The following ARHGEF28 variants were observed in gnomAD, a reference collection of about 807,000 sequenced individuals.
ARHGEF28 encodes the protein Rho guanine nucleotide exchange factor 28.
A neutral mutation model predicts 206.6 loss-of-function variants in ARHGEF28; 152 were observed. The observed-to-expected ratio is 0.74, with a 90% confidence interval of 0.64 to 0.84. The LOEUF is 0.84. Ranked by LOEUF, ARHGEF28 falls within the 40% of genes least tolerant of loss-of-function variation. The probability of loss-of-function intolerance (pLI) is 0.00; values close to 1 mark genes in which losing one functional copy is unlikely to be tolerated. For synonymous variants in ARHGEF28, 763 were observed against 776.4 expected, an observed-to-expected ratio of 0.98 and a Z score of 0.29; for missense variants, 2,028 against 2,073.2, an observed-to-expected ratio of 0.98 and a Z score of 0.42.
rs183704688 is a variant in ARHGEF28, at chr5:73,734,061, C to T, written c.34-15776C>T. On this transcript the variant is annotated intron_variant, in intron 2 of 35. Transcript: ENST00000513042. ...TGCTAAACCATTCATGAAGGAGCTA[C>T]CCCCATGATCCAATCACCTCCCACC... 3.9e-3 allele frequency among the ~76,000 whole-genome samples: 597 copies of T among 152,258 alleles called. 1 individual carries two copies. Among genetic ancestry groups the T allele is most frequent in the Non-Finnish European group, 5.5e-3 (371 of 68,006 alleles).
chr5:73,795,571 T>C (rs1754750650), intron 9 of ARHGEF28, 180 bp downstream of exon 9: 3 of 541,684 alleles, frequency 5.5e-6, no homozygotes, highest in South Asian at 2.8e-5. Flanking sequence ...ACTCTAGAGG[T>C]TGAGACTCCA....
chr5:73,755,330 T>A (rs958564735), intron 4 of ARHGEF28, among the ~76,000 whole-genome samples: 1 of 151,948 alleles, frequency 6.6e-6, no homozygotes, highest in Non-Finnish European at 1.5e-5. Flanking sequence ...GGGGTGTGGA[T>A]CCATTTTGAC....
At chr5:73,903,445 A>G (rs1762382305) in intron 31 of ARHGEF28, 3 of 152,228 alleles carry the variant, frequency 2.0e-5, no homozygotes, top group African/African-American at 7.2e-5. Context: ...ACTGGTTTGC[A>G]TCCTAGGGAG....
chr5:73,866,343 A>G (rs1458714548), intron 18 of ARHGEF28, among the ~76,000 whole-genome samples: 3 of 152,258 alleles, frequency 2.0e-5, no homozygotes, highest in African/African-American at 7.2e-5. Context: ...CAAGGAAAAG[A>G]GAAATACTAC....
chr5:73,777,846 C>T (rs578020432), intron 6 of ARHGEF28, among the ~76,000 whole-genome samples: 11 of 151,962 alleles, frequency 7.2e-5, no homozygotes, highest in Non-Finnish European at 1.3e-4. Context: ...TTTGGGTAGC[C>T]GAGGTGGGTG....
chr5:73,653,140 G>T (rs1030024205), intron 1 of ARHGEF28, among the ~76,000 whole-genome samples: 1 of 152,186 alleles, frequency 6.6e-6, no homozygotes, highest in East Asian at 1.9e-4. Flanking sequence ...CCAGTTAGAG[G>T]CAGAGTGAGG....
intron 2 of ARHGEF28, among the ~76,000 whole-genome samples, chr5:73,719,698 T>C (rs1353684285): frequency 1.3e-5 from 2 of 152,262 alleles, no homozygotes; most frequent in Admixed American, 1.3e-4. Flanking sequence ...AAATGTGTTA[T>C]AGTAGATGTC....
At chr5:73,940,155 T>A (rs1742507405) in intron 35 of ARHGEF28, among the ~76,000 whole-genome samples, 1 of 152,228 alleles carries the variant, frequency 6.6e-6, no homozygotes, top group Non-Finnish European at 1.5e-5. Context: ...GCCTCCCTTT[T>A]GTCTCTCCTT....
intron 1 of ARHGEF28, among the ~76,000 whole-genome samples, chr5:73,631,882 CAACT>C: frequency 6.6e-6 from 1 of 152,260 alleles, no homozygotes; most frequent in South Asian, 2.1e-4. Flanking sequence ...CTGTAACCTT[CAACT>C]AACTTAGTAG....
At chr5:73,799,367 T>C (rs1477817918) in intron 9 of ARHGEF28, among the ~76,000 whole-genome samples, 1 of 152,228 alleles carries the variant, frequency 6.6e-6, no homozygotes, top group African/African-American at 2.4e-5. Flanking sequence ...TCTTGCAAAC[T>C]CTACTTTTAA....
At chr5:73,808,194 C>A (rs1027417372) in intron 9 of ARHGEF28, among the ~76,000 whole-genome samples, 3 of 151,874 alleles carry the variant, frequency 2.0e-5, no homozygotes, top group Non-Finnish European at 4.4e-5. Flanking sequence ...GCTCCCGATT[C>A]ATGTCTATTT....
Position 73,909,669 on chromosome 5 carries a change from G to GGAGC in ARHGEF28, c.4421_4424dup (p.Glu1476AlafsTer80). 1 of 1,540,402 alleles carries GGAGC rather than the reference G, an allele frequency of 6.5e-7. No individual in the cohort carries two copies. The highest frequency in any genetic ancestry group is 2.5e-5 in the East Asian group (1 of 40,714). On this transcript the variant is annotated frameshift_variant, in exon 34 of 36. Coordinates refer to ENST00000513042, the MANE Select transcript of ARHGEF28 (RefSeq NM_001177693.2). LOFTEE classifies it high-confidence loss of function. Reference sequence around the variant, plus strand: ...AGGCGACCAGGGAGAGCTGGCTGCAGGAGCGGGAGCGGGAGTGCCAGTCGC... The same window carrying GGAGC: ...AGGCGACCAGGGAGAGCTGGCTGCAGGAGCGAGCGGGAGCGGGAGTGCCAGTCGC...
At chr5:73,778,665 T>A (rs1356729101) in intron 6 of ARHGEF28, among the ~76,000 whole-genome samples, 1 of 152,206 alleles carries the variant, frequency 6.6e-6, no homozygotes, top group Non-Finnish European at 1.5e-5. Flanking sequence ...TAATTCTTAC[T>A]TGCCTGACAA....
chr5:73,775,764 T>C (rs1367463522), intron 5 of ARHGEF28, among the ~76,000 whole-genome samples: 1 of 152,186 alleles, frequency 6.6e-6, no homozygotes, highest in African/African-American at 2.4e-5. Flanking sequence ...CTGTTACTAT[T>C]ACAGGACCTT....
chr5:73,652,900 T>C (rs967791426), intron 1 of ARHGEF28, among the ~76,000 whole-genome samples: 4 of 152,188 alleles, frequency 2.6e-5, no homozygotes, highest in South Asian at 2.1e-4. Flanking sequence ...TCCTGGACCA[T>C]TGGTTTTTCA....
intron 2 of ARHGEF28, among the ~76,000 whole-genome samples, chr5:73,708,293 C>T (rs562571121): frequency 8.6e-5 from 13 of 151,994 alleles, no homozygotes; most frequent in African/African-American, 2.9e-4. Context: ...CAATTGATCT[C>T]GCTACCCAGA....
intron 35 of ARHGEF28, among the ~76,000 whole-genome samples, chr5:73,929,381 G>C (rs951909502): frequency 6.6e-6 from 1 of 152,006 alleles, no homozygotes; most frequent in Non-Finnish European, 1.5e-5. Context: ...AAAAGATAAG[G>C]CTCTCTTTTT....
chr5:73,758,490 C>T (rs955280371), intron 4 of ARHGEF28, among the ~76,000 whole-genome samples: 6 of 152,210 alleles, frequency 3.9e-5, no homozygotes, highest in Admixed American at 2.0e-4. Context: ...TTCTTCTGCT[C>T]ATTATGGAAC....
intron 21 of ARHGEF28, among the ~76,000 whole-genome samples, chr5:73,870,710 G>T (rs2973554): frequency 6.6e-6 from 1 of 151,988 alleles, no homozygotes; most frequent in Non-Finnish European, 1.5e-5. Context: ...GTTTGACTAC[G>T]TGCTGCCATC....
Sources: gnomAD v4.1 joint callset for allele counts (sites outside exome capture counted in the v4.1 genomes callset) on GRCh38, gnomAD v4.1.1 for gene constraint, MANE v1.5 for transcripts, NCBI Gene and HGNC (gene_info 2026-07-23, HGNC 2026-07-21) for gene names.